PCDH15: variants seen among roughly 807,000 people sequenced by gnomAD.
The protein encoded by PCDH15 is protocadherin related 15, also known as protocadherin-15.
Under a neutral mutation model 178.5 loss-of-function variants are expected in PCDH15, and 129 were observed. That is an observed-to-expected ratio of 0.72 (90% CI 0.63 to 0.84). PCDH15 has a LOEUF of 0.84. Ranked by LOEUF, PCDH15 falls within the 40% of genes least tolerant of loss-of-function variation. PCDH15 has a pLI of 0.00. For missense variants in PCDH15, 2,230 were observed against 2,099.9 expected, an observed-to-expected ratio of 1.06 and a Z score of -1.21; for synonymous variants, 800 against 732.0, an observed-to-expected ratio of 1.09 and a Z score of -1.50.
intron 2 of PCDH15, among the ~76,000 whole-genome samples, chr10:55,091,924 T>A (rs1361910765): frequency 6.6e-6 from 1 of 151,034 alleles, no homozygotes; most frequent in Non-Finnish European, 1.5e-5. Flanking sequence ...TCGGTGTGAG[T>A]GCATGCCAGA....
intron 2 of PCDH15, among the ~76,000 whole-genome samples, chr10:55,327,799 A>G (rs1020736453): frequency 1.3e-5 from 2 of 152,050 alleles, no homozygotes; most frequent in Admixed American, 6.6e-5. Flanking sequence ...TATGAATACT[A>G]CGCTAAAAAT....
intron 2 of PCDH15, among the ~76,000 whole-genome samples, chr10:55,132,229 A>C (rs941167977): frequency 6.6e-6 from 1 of 152,154 alleles, no homozygotes; most frequent in Non-Finnish European, 1.5e-5. Flanking sequence ...TCTTATACTT[A>C]TTTGTTTGCA....
intron 21 of PCDH15, among the ~76,000 whole-genome samples, chr10:53,969,093 G>A (rs911661047): frequency 2.6e-5 from 4 of 152,086 alleles, no homozygotes; most frequent in African/African-American, 9.7e-5. Flanking sequence ...CCACCACAAA[G>A]AAGCTAAAAA....
intron 2 of PCDH15, among the ~76,000 whole-genome samples, chr10:55,136,776 A>G (rs1838207876): frequency 1.3e-5 from 2 of 152,178 alleles, no homozygotes; most frequent in African/African-American, 4.8e-5. Context: ...TTCAAATACT[A>G]TAACCAGTTT....
At chr10:55,513,836 GC>G (rs1368345585) in intron 2 of PCDH15, among the ~76,000 whole-genome samples, 2 of 151,942 alleles carry the variant, frequency 1.3e-5, no homozygotes, top group African/African-American at 4.8e-5. Context: ...TTTATGAGAA[GC>G]TATCTTTTGT....
chr10:55,070,188 A>G (rs1015928889), intron 2 of PCDH15, among the ~76,000 whole-genome samples: 7 of 152,188 alleles, frequency 4.6e-5, no homozygotes, highest in Middle Eastern at 3.4e-3. Context: ...GCCCTTTGTC[A>G]GATGAGTAGG....
At chr10:54,203,765 A>G (rs1429624608) in intron 10 of PCDH15, among the ~76,000 whole-genome samples, 1 of 152,196 alleles carries the variant, frequency 6.6e-6, no homozygotes. Flanking sequence ...TTCTTCACCC[A>G]GCAAGGTGCA....
At chr10:54,753,134 T>C (rs190765647) in intron 1 of PCDH15, among the ~76,000 whole-genome samples, 11 of 152,248 alleles carry the variant, frequency 7.2e-5, no homozygotes, top group Admixed American at 6.5e-4. Context: ...ATTATAAAGA[T>C]ACATCTAGCA....
chr10:55,057,645 C>T (rs776821628), intron 2 of PCDH15, among the ~76,000 whole-genome samples: 20 of 151,950 alleles, frequency 1.3e-4, no homozygotes, highest in Admixed American at 1.3e-4. Context: ...ATTCTGAACG[C>T]TAGAATCCCT....
chr10:54,070,437 C>G (rs2094217576), intron 17 of PCDH15, among the ~76,000 whole-genome samples: 1 of 152,216 alleles, frequency 6.6e-6, no homozygotes, highest in Non-Finnish European at 1.5e-5. Flanking sequence ...CTCCTGACCT[C>G]AAACAATCTG....
chr10:54,649,319 G>A (rs930040449), intron 2 of PCDH15, among the ~76,000 whole-genome samples: 16 of 151,940 alleles, frequency 1.1e-4, no homozygotes, highest in Non-Finnish European at 2.2e-4. Context: ...TTACATATAT[G>A]AAATATAACA....
intron 3 of PCDH15, among the ~76,000 whole-genome samples, chr10:54,478,331 C>T (rs2078433749): frequency 6.6e-6 from 1 of 152,052 alleles, no homozygotes; most frequent in African/African-American, 2.4e-5. Flanking sequence ...TTTACTAAAA[C>T]AGGTCCTAAG....
At chr10:55,061,488 T>A (rs923879277) in intron 2 of PCDH15, among the ~76,000 whole-genome samples, 2 of 152,152 alleles carry the variant, frequency 1.3e-5, no homozygotes, top group African/African-American at 2.4e-5. Flanking sequence ...TAGAAGACAG[T>A]TTGACAGCTT....
intron 21 of PCDH15, among the ~76,000 whole-genome samples, chr10:53,992,638 G>A (rs1377119629): frequency 6.6e-6 from 1 of 152,110 alleles, no homozygotes; most frequent in Admixed American, 6.5e-5. Flanking sequence ...ACAAAACTAT[G>A]CAAATAAACA....
chr10:55,470,687 A>T lies in PCDH15; in HGVS notation c.-156+156938T>A, dbSNP rs563494198. 1.3e-3 allele frequency among the ~76,000 whole-genome samples: 196 copies of T among 152,266 alleles called. 5 individuals carry two copies. The highest frequency in any genetic ancestry group is 6.8e-3 in the Middle Eastern group (2 of 294). ...AATGCACCCAACGTGCACGGTTTAC[A>T]TTAGAGTTGACTCTTGCTGTTGTAC... On this transcript the variant is annotated intron_variant, in intron 2 of 5. Transcript: ENST00000613346.
intron 2 of PCDH15, among the ~76,000 whole-genome samples, chr10:55,521,197 G>T (rs149150480): frequency 6.6e-6 from 1 of 151,940 alleles, no homozygotes; most frequent in South Asian, 2.1e-4. Context: ...ACCTGGCTTC[G>T]TTCACTTAGC....
chr10:53,940,404 T>C (rs1328619180), intron 24 of PCDH15, among the ~76,000 whole-genome samples: 1 of 152,188 alleles, frequency 6.6e-6, no homozygotes, highest in Non-Finnish European at 1.5e-5. Context: ...AACATGGATG[T>C]GACTCTTTTT....
At position 54,421,862 on chromosome 10, in the gene PCDH15, T is replaced by TAC. The variant is rs1565231357; in HGVS notation, c.158-42922_158-42921dup. ...TACACACACACTATATATATATATA[T>TAC]ACACACACTATATATATATATACAC... On this transcript the variant is annotated intron_variant, in intron 3 of 37. Coordinates refer to ENST00000644397, the MANE Select transcript of PCDH15 (RefSeq NM_001384140.1). Among the ~76,000 whole-genome samples, 679 of 113,926 alleles carry TAC rather than the reference T, an allele frequency of 6.0e-3. 30 individuals carry two copies. Among genetic ancestry groups the TAC allele is most frequent in the South Asian group, 0.059 (211 of 3,600 alleles). The allele number at this position is 113,926 out of a possible 152,430, so 74.7% of individuals were successfully genotyped here.
At chr10:54,671,973 G>A (rs370522559) in intron 1 of PCDH15, among the ~76,000 whole-genome samples, 1 of 152,010 alleles carries the variant, frequency 6.6e-6, no homozygotes, top group African/African-American at 2.4e-5. Flanking sequence ...TCGCATTACC[G>A]CCTGAGCTCC....
Sources: allele counts gnomAD v4.1 joint callset (sites outside exome capture counted in the v4.1 genomes callset), GRCh38; gene constraint gnomAD v4.1.1; transcripts MANE v1.5; gene names NCBI Gene and HGNC (gene_info 2026-07-23, HGNC 2026-07-21).